The following CNTNAP5 variants were observed in gnomAD, a reference collection of about 807,000 sequenced individuals.
CNTNAP5 encodes the protein contactin-associated protein-like 5.
CNTNAP5 carries 72 observed loss-of-function variants against 150.2 expected under a neutral mutation model. The observed-to-expected ratio is 0.48, with a 90% confidence interval of 0.40 to 0.58. The LOEUF is 0.58. Ranked by LOEUF, CNTNAP5 falls within the 20% of genes least tolerant of loss-of-function variation. The pLI is 0.00. For missense variants in CNTNAP5, 1,636 were observed against 1,626.2 expected (o/e 1.01, Z -0.10); for synonymous variants, 672 against 619.8 (o/e 1.08, Z -1.25).
intron 12 of CNTNAP5, among the ~76,000 whole-genome samples, chr2:124,637,063 A>G (rs537946569): frequency 6.6e-6 from 1 of 152,334 alleles, no homozygotes; most frequent in African/African-American, 2.4e-5. Flanking sequence ...ATAAGAAACC[A>G]TTCATAAGAA....
intron 12 of CNTNAP5, among the ~76,000 whole-genome samples, chr2:124,620,039 CTG>C (rs1203777558): frequency 6.6e-6 from 1 of 151,286 alleles, no homozygotes; most frequent in Non-Finnish European, 1.5e-5. Context: ...TGCCCCTACT[CTG>C]TGTTCTGCTC....
rs1682160866 is a variant in CNTNAP5, at chr2:124,809,577, C to A, written c.3217+11257C>A. On this transcript the variant is annotated intron_variant, in intron 19 of 23. Coordinates refer to ENST00000682447, the MANE Select transcript of CNTNAP5 (RefSeq NM_001367498.1). The stretch of plus-strand genomic sequence containing the variant: ...GCAAGCCACTCTGCCCGGCTGGGAA[C>A]ATGATCTTTAAAAAAAAACCTGGCA... Among the ~76,000 whole-genome samples the A allele has an allele frequency of 3.5e-5, 3 of 85,004 alleles. No homozygotes were observed. The South Asian group carries it at 1.7e-3, about 48-fold the overall frequency. 55.8% of individuals were successfully genotyped at this position (85,004 alleles called of 152,430 possible).
intron 6 of CNTNAP5, among the ~76,000 whole-genome samples, chr2:124,448,633 G>A (rs1023523366): frequency 6.6e-6 from 1 of 152,186 alleles, no homozygotes. Flanking sequence ...TACCTGGCTT[G>A]TCTGGCTTGA....
In CNTNAP5 at chr2:124,445,954, G is replaced by A. The variant is rs779041312; in HGVS notation, c.734-799G>A. On this transcript the variant is annotated intron_variant, in intron 5 of 23. Transcript: ENST00000682447. Reference sequence around the variant, plus strand: ...GACTTCCATAAAATTGAGAGAGAAGGAGGCGGAGGGGGAACCAGGCAGGTT... The same window carrying A: ...GACTTCCATAAAATTGAGAGAGAAGAAGGCGGAGGGGGAACCAGGCAGGTT... Among the ~76,000 whole-genome samples the A allele has an allele frequency of 8.5e-5, 13 of 152,078 alleles. 1 individual carries two copies. Among genetic ancestry groups the A allele is most frequent in the Non-Finnish European group, 1.6e-4 (11 of 68,018 alleles).
intron 4 of CNTNAP5, among the ~76,000 whole-genome samples, chr2:124,425,882 C>CA (rs1558896770): frequency 1.3e-5 from 2 of 152,080 alleles, no homozygotes; most frequent in African/African-American, 4.8e-5. Flanking sequence ...TAATACCTGC[C>CA]AATGAATTTA....
chr2:124,050,300 C>T lies in CNTNAP5; in HGVS notation c.82+24568C>T, dbSNP rs1035707348. ...GCAACGTGGCAAAACCCCATCTCTA[C>T]GAAAATACAAAACATTAGCTGGGTG... On this transcript the variant is annotated intron_variant, in intron 1 of 23. Coordinates refer to ENST00000682447, the MANE Select transcript of CNTNAP5 (RefSeq NM_001367498.1). Among the ~76,000 whole-genome samples the T allele has an allele frequency of 7.2e-5, 11 of 151,854 alleles. No homozygotes were observed. In the East Asian group the frequency reaches 9.8e-4, roughly 13 times the overall value.
chr2:124,375,209 G>T (rs1291923187), intron 3 of CNTNAP5, among the ~76,000 whole-genome samples: 1 of 151,782 alleles, frequency 6.6e-6, no homozygotes, highest in Non-Finnish European at 1.5e-5. Context: ...ATGTTTGCAT[G>T]GCCTGAAAGT....
chr2:124,644,433 ACT>A (rs1678162435), intron 12 of CNTNAP5, among the ~76,000 whole-genome samples: 1 of 152,186 alleles, frequency 6.6e-6, no homozygotes, highest in Non-Finnish European at 1.5e-5. Flanking sequence ...TGAAAGATTG[ACT>A]CTCTAATACA....
At chr2:124,286,519 A>G (rs1331466382) in intron 3 of CNTNAP5, among the ~76,000 whole-genome samples, 1 of 152,164 alleles carries the variant, frequency 6.6e-6, no homozygotes, top group African/African-American at 2.4e-5. Flanking sequence ...CAAAGTTACA[A>G]CAATTGTTTT....
At chr2:124,781,806 T>C (rs554873198) in intron 17 of CNTNAP5, among the ~76,000 whole-genome samples, 1 of 152,302 alleles carries the variant, frequency 6.6e-6, no homozygotes, top group Non-Finnish European at 1.5e-5. Context: ...CCACAAACTC[T>C]TATCCTCAAG....
At chr2:124,415,687 C>T (rs934743843) in intron 3 of CNTNAP5, among the ~76,000 whole-genome samples, 3 of 152,056 alleles carry the variant, frequency 2.0e-5, no homozygotes, top group South Asian at 2.1e-4. Context: ...GCAAGCAAAT[C>T]GGTATGCTAG....
chr2:124,375,954 G>A (rs955552103), intron 3 of CNTNAP5, among the ~76,000 whole-genome samples: 1 of 151,920 alleles, frequency 6.6e-6, no homozygotes, highest in African/African-American at 2.4e-5. Context: ...TCCTCAAAAT[G>A]GAACCAAAGG....
At chr2:124,258,228 G>A (rs1447257113) in intron 3 of CNTNAP5, among the ~76,000 whole-genome samples, 2 of 152,130 alleles carry the variant, frequency 1.3e-5, no homozygotes, top group Non-Finnish European at 2.9e-5. Context: ...GGGGAAAGAA[G>A]AGGGTGCAGT....
In CNTNAP5 at chr2:124,351,583, G is replaced by A. The variant is rs115631910; in HGVS notation, c.382-65860G>A. 5.5e-3 allele frequency among the ~76,000 whole-genome samples: 831 copies of A among 152,294 alleles called. 9 individuals carry two copies. The highest frequency in any genetic ancestry group is 0.017 in the Middle Eastern group (5 of 294). On this transcript the variant is annotated intron_variant, in intron 3 of 23. Coordinates refer to ENST00000682447, the MANE Select transcript of CNTNAP5 (RefSeq NM_001367498.1). Reference sequence around the variant, plus strand: ...CAAAACAAGAAGTTGTGGAATAAGAGTTACAGGGAGATAGTAGCACAAAAG... The same window carrying A: ...CAAAACAAGAAGTTGTGGAATAAGAATTACAGGGAGATAGTAGCACAAAAG...
chr2:124,655,578 C>A (rs59809487), intron 13 of CNTNAP5, among the ~76,000 whole-genome samples: 1,804 of 151,174 alleles, frequency 0.012, 32 homozygotes, highest in African/African-American at 0.041. Flanking sequence ...AAAGCTATTT[C>A]TACTTTATGT....
chr2:124,121,137 T>TAC (rs3981152), intron 1 of CNTNAP5, among the ~76,000 whole-genome samples: 6,305 of 148,288 alleles, frequency 0.043, 206 homozygotes, highest in African/African-American at 0.096. Context: ...CTTATTGCCA[T>TAC]ACACACACAC....
intron 1 of CNTNAP5, among the ~76,000 whole-genome samples, chr2:124,043,039 A>G (rs1033093614): frequency 1.1e-4 from 16 of 152,182 alleles, no homozygotes; most frequent in Admixed American, 3.9e-4. Context: ...TTTAACATCA[A>G]TTACATTAGA....
At chr2:124,727,525 C>G (rs1680183070) in intron 13 of CNTNAP5, among the ~76,000 whole-genome samples, 1 of 151,952 alleles carries the variant, frequency 6.6e-6, no homozygotes, top group African/African-American at 2.4e-5. Flanking sequence ...GTGTACAGGT[C>G]TTACGCTTCC....
chr2:124,612,850 C>G (rs1051695739), intron 12 of CNTNAP5, among the ~76,000 whole-genome samples: 1 of 152,062 alleles, frequency 6.6e-6, no homozygotes, highest in African/African-American at 2.4e-5. Context: ...GTCAGGAGTT[C>G]GAGACCAGCC....
Sources: allele counts gnomAD v4.1 joint callset (sites outside exome capture counted in the v4.1 genomes callset), GRCh38; gene constraint gnomAD v4.1.1; transcripts MANE v1.5; gene names NCBI Gene and HGNC (gene_info 2026-07-23, HGNC 2026-07-21).